RAB3C: variants seen among roughly 807,000 people sequenced by gnomAD.
The protein encoded by RAB3C is RAB3C, member RAS oncogene family, also known as ras-related protein Rab-3C.
In RAB3C, 17 loss-of-function variants were observed where a neutral mutation model predicts 26.4. The ratio of observed to expected loss-of-function variants is 0.64; its 90% CI spans 0.44 to 0.97. The LOEUF (loss-of-function observed/expected upper bound fraction) is 0.97, where lower values mean the gene tolerates loss of function less well. RAB3C is among the 50% of genes least tolerant of loss of function. The pLI is 0.00. For missense variants in RAB3C, 242 were observed against 281.9 expected (o/e 0.86, Z 1.01); for synonymous variants, 91 against 95.9 (o/e 0.95, Z 0.30).
chr5:58,789,907 C>G (rs1431850898), intron 3 of RAB3C, among the ~76,000 whole-genome samples: 1 of 152,110 alleles, frequency 6.6e-6, no homozygotes, highest in Admixed American at 6.5e-5. Flanking sequence ...CACATTTTAC[C>G]AACCTGAAGA....
At chr5:58,834,546 T>C (rs1477986448) in intron 4 of RAB3C, among the ~76,000 whole-genome samples, 3 of 152,344 alleles carry the variant, frequency 2.0e-5, no homozygotes, top group East Asian at 3.9e-4. Flanking sequence ...AAGATTTATT[T>C]AACTCTCAAT....
At chr5:58,817,392 G>T (rs1345907637) in intron 3 of RAB3C, among the ~76,000 whole-genome samples, 3 of 151,872 alleles carry the variant, frequency 2.0e-5, no homozygotes, top group Non-Finnish European at 4.4e-5. Flanking sequence ...TTTTTAATGT[G>T]TTATTTATAA....
At chr5:58,831,092 G>C (rs377196657) in intron 4 of RAB3C, among the ~76,000 whole-genome samples, 1 of 152,038 alleles carries the variant, frequency 6.6e-6, no homozygotes, top group East Asian at 1.9e-4. Context: ...CACCCAGGCT[G>C]ATCTGGAACT....
chr5:58,665,723 G>A (rs932025663), intron 2 of RAB3C, among the ~76,000 whole-genome samples: 8 of 152,064 alleles, frequency 5.3e-5, no homozygotes, highest in African/African-American at 1.7e-4. Flanking sequence ...TTCAAACTCC[G>A]TGTTACTCAT....
intron 1 of RAB3C, among the ~76,000 whole-genome samples, chr5:58,587,780 T>C (rs1746042452): frequency 6.6e-6 from 1 of 152,250 alleles, no homozygotes; most frequent in African/African-American, 2.4e-5. Flanking sequence ...ATCCCTGGGT[T>C]CTCCTGACCA....
intron 4 of RAB3C, among the ~76,000 whole-genome samples, chr5:58,833,324 T>A (rs1579944130): frequency 7.1e-6 from 1 of 141,070 alleles, no homozygotes; most frequent in African/African-American, 2.6e-5. Context: ...ACGGACCCCA[T>A]CACACACACA....
Position 58,773,753 on chromosome 5 carries a change from G to A in RAB3C, c.371+47633G>A, listed in dbSNP as rs189840534. ...GACGCAGTGAACCATTAGGTTTAGG[G>A]GCTGATCAGTTGATCCCATCACTCC... On this transcript the variant is annotated intron_variant, in intron 3 of 4. Transcript: ENST00000282878. Among the ~76,000 whole-genome samples the A allele has an allele frequency of 3.2e-3, 480 of 152,142 alleles. 1 individual carries two copies. Among genetic ancestry groups the A allele is most frequent in the Middle Eastern group, 6.8e-3 (2 of 294 alleles).
At chr5:58,716,367 T>C (rs1749174027) in intron 2 of RAB3C, among the ~76,000 whole-genome samples, 1 of 151,724 alleles carries the variant, frequency 6.6e-6, no homozygotes, top group Non-Finnish European at 1.5e-5. Context: ...AAAGCCAAAG[T>C]AAAAAAAACT....
rs1747771034 is a variant in RAB3C at position 58,656,288 on chromosome 5, C to G, written c.252+38418C>G. On this transcript the variant is annotated intron_variant, in intron 2 of 4. Transcript: ENST00000282878. ...TAAAACATTTCATAATACCAAAGAC[C>G]TCTATTTTTCAGCATGGTGACTATA... 2.0e-5 allele frequency among the ~76,000 whole-genome samples: 3 copies of G among 152,108 alleles called. 1 individual carries two copies. Among genetic ancestry groups the G allele is most frequent in the South Asian group, 4.1e-4 (2 of 4,828 alleles).
chr5:58,810,497 A>G (rs1250364505), intron 3 of RAB3C, among the ~76,000 whole-genome samples: 1 of 151,966 alleles, frequency 6.6e-6, no homozygotes, highest in Non-Finnish European at 1.5e-5. Flanking sequence ...GAAGCCCGGT[A>G]ATATTGGACA....
intron 2 of RAB3C, among the ~76,000 whole-genome samples, chr5:58,710,627 T>A (rs1238234919): frequency 6.6e-6 from 1 of 150,456 alleles, no homozygotes; most frequent in Non-Finnish European, 1.5e-5. Flanking sequence ...AATAAATAAA[T>A]AAATAAATAA....
chr5:58,693,221 T>G (rs980213961), intron 2 of RAB3C, among the ~76,000 whole-genome samples: 1 of 146,034 alleles, frequency 6.8e-6, no homozygotes, highest in Admixed American at 6.9e-5. Context: ...TATATAAATA[T>G]AGTTAAGATA....
At chr5:58,810,079 C>A (rs1471328352) in intron 3 of RAB3C, among the ~76,000 whole-genome samples, 1 of 152,236 alleles carries the variant, frequency 6.6e-6, no homozygotes, top group African/African-American at 2.4e-5. Context: ...AGAAGTGGAA[C>A]AATAGAGCTG....
chr5:58,668,323 T>C (rs1056953013), intron 2 of RAB3C, among the ~76,000 whole-genome samples: 1 of 152,182 alleles, frequency 6.6e-6, no homozygotes, highest in Non-Finnish European at 1.5e-5. Flanking sequence ...GTTCACACTA[T>C]CTAGAATTTA....
intron 4 of RAB3C, among the ~76,000 whole-genome samples, chr5:58,831,904 G>A (rs915253097): frequency 6.6e-6 from 1 of 152,188 alleles, no homozygotes; most frequent in African/African-American, 2.4e-5. Context: ...AAATCCTAGT[G>A]ACCAAGCTGC....
chr5:58,710,876 CTATTT>C (rs1749044885), intron 2 of RAB3C, among the ~76,000 whole-genome samples: 1 of 152,066 alleles, frequency 6.6e-6, no homozygotes. Context: ...TTCTTTCTAT[CTATTT>C]TAGGGAGTTC....
chr5:58,596,641 ATAT>A (rs1454895283), intron 1 of RAB3C, among the ~76,000 whole-genome samples: 2 of 76,574 alleles, frequency 2.6e-5, no homozygotes, highest in African/African-American at 1.1e-4. Flanking sequence ...ATATATAAAT[ATAT>A]AATATATAAT....
rs70973149 is a variant in RAB3C, at chr5:58,677,976, T to TTGTGTGTGTGTGTGTGTGTGTG, written c.253-48021_253-48000dup. ...ACTGGCAGGTAGTAGCTAGATTATT[T>TTGTGTGTGTGTGTGTGTGTGTG]TGTGTGTGTGTGTGTGTGTGTGTGT... On this transcript the variant is annotated intron_variant, in intron 2 of 4. Transcript: ENST00000282878. Among the ~76,000 whole-genome samples, 78 of 147,886 alleles carry TTGTGTGTGTGTGTGTGTGTGTG rather than the reference T, an allele frequency of 5.3e-4. No individual in the cohort carries two copies. In the Middle Eastern group the frequency reaches 0.014, roughly 27 times the overall value.
intron 4 of RAB3C, among the ~76,000 whole-genome samples, chr5:58,845,877 C>T (rs1743988320): frequency 6.6e-6 from 1 of 151,764 alleles, no homozygotes; most frequent in African/African-American, 2.4e-5. Flanking sequence ...TCACTCTCTA[C>T]CCCAGCCTAG....
Sources: allele counts gnomAD v4.1 joint callset (sites outside exome capture counted in the v4.1 genomes callset), GRCh38; gene constraint gnomAD v4.1.1; transcripts MANE v1.5; gene names NCBI Gene and HGNC (gene_info 2026-07-23, HGNC 2026-07-21).